ARHGEF28: variants seen among roughly 807,000 people sequenced by gnomAD.
ARHGEF28 encodes 190 kDa guanine nucleotide exchange factor.
In ARHGEF28, 152 loss-of-function variants were observed where a neutral mutation model predicts 206.6. The observed-to-expected ratio is 0.74, with a 90% CI of 0.64 to 0.84. The LOEUF (loss-of-function observed/expected upper bound fraction) is 0.84, where lower values mean the gene tolerates loss of function less well. Ranked by LOEUF, ARHGEF28 falls within the 40% of genes least tolerant of loss-of-function variation. ARHGEF28 has a pLI of 0.00. For missense variants in ARHGEF28, 2,028 were observed against 2,073.2 expected, an observed-to-expected ratio of 0.98 and a Z score of 0.42; for synonymous variants, 763 against 776.4, an observed-to-expected ratio of 0.98 and a Z score of 0.29.
intron 10 of ARHGEF28, among the ~76,000 whole-genome samples, chr5:73,836,850 A>G (rs1260607865): frequency 6.6e-6 from 1 of 152,148 alleles, no homozygotes; most frequent in Non-Finnish European, 1.5e-5. Context: ...GTGGTAAGAT[A>G]GGGATCCAGT....
At chr5:73,827,856 C>T (rs1465574677) in intron 9 of ARHGEF28, among the ~76,000 whole-genome samples, 1 of 152,140 alleles carries the variant, frequency 6.6e-6, no homozygotes, top group East Asian at 1.9e-4. Context: ...GTTCTTATTG[C>T]AAATTATTTC....
rs1016402238 is a variant in ARHGEF28, at chr5:73,782,205, G to A, written c.910+1460G>A. On this transcript the variant is annotated intron_variant, in intron 7 of 35. Coordinates refer to ENST00000513042, the MANE Select transcript of ARHGEF28 (RefSeq NM_001177693.2). ...TGTAATCCCAGCACTTTGGGAGGCC[G>A]AGGTGGGTGGATCACCTGAGGTCGG... Among the ~76,000 whole-genome samples, 7 of 151,752 alleles carry A rather than the reference G, an allele frequency of 4.6e-5. No individual in the cohort carries two copies. In the East Asian group the frequency reaches 5.8e-4, roughly 13 times the overall value.
chr5:73,933,380 G>T (rs1580124436), intron 35 of ARHGEF28, among the ~76,000 whole-genome samples: 3 of 152,230 alleles, frequency 2.0e-5, no homozygotes, highest in Admixed American at 2.0e-4. Flanking sequence ...TATAGCGTAG[G>T]TTCACACAAT....
At chr5:73,670,827 C>G (rs933003232) in intron 1 of ARHGEF28, among the ~76,000 whole-genome samples, 3 of 152,108 alleles carry the variant, frequency 2.0e-5, no homozygotes, top group African/African-American at 7.2e-5. Context: ...TTTCTAATTG[C>G]ATTGCTTGAG....
At chr5:73,662,101 A>T (rs1394032875) in intron 1 of ARHGEF28, among the ~76,000 whole-genome samples, 3 of 152,184 alleles carry the variant, frequency 2.0e-5, no homozygotes, top group Non-Finnish European at 4.4e-5. Flanking sequence ...TGCTAATGTT[A>T]GTTTCTTGGA....
rs1182569252 is a variant in ARHGEF28 at position 73,671,694 on chromosome 5, TTATATATATATATATATATATA to T, written c.-11-13123_-11-13102del. 7.6e-3 allele frequency among the ~76,000 whole-genome samples: 578 copies of T among 76,060 alleles called. 13 individuals are homozygous for T. The highest frequency in any genetic ancestry group is 0.046 in the East Asian group (78 of 1,712). 49.9% of individuals were successfully genotyped at this position (76,060 alleles called of 152,430 possible). ...TCAGCTGGGTTTTCATTGAACTTGA[TTATATATATATATATATATATA>T]TATATATATATATATATATATATTT... On this transcript the variant is annotated intron_variant, in intron 1 of 35. Coordinates refer to ENST00000513042, the MANE Select transcript of ARHGEF28 (RefSeq NM_001177693.2).
chr5:73,815,105 C>T (rs1462615381), intron 9 of ARHGEF28, among the ~76,000 whole-genome samples: 1 of 151,826 alleles, frequency 6.6e-6, no homozygotes, highest in South Asian at 2.1e-4. Flanking sequence ...AAAATTTCAA[C>T]ACGAAAGCCT....
chr5:73,880,742 G>A (rs114094410), intron 22 of ARHGEF28, among the ~76,000 whole-genome samples: 269 of 152,322 alleles, frequency 1.8e-3, no homozygotes, highest in African/African-American at 6.2e-3. Flanking sequence ...AGACCAGCCT[G>A]AGCATCATGA....
intron 1 of ARHGEF28, among the ~76,000 whole-genome samples, chr5:73,662,714 G>C (rs1210417916): frequency 6.6e-6 from 1 of 152,070 alleles, no homozygotes; most frequent in Non-Finnish European, 1.5e-5. Context: ...AAAGTATTCA[G>C]GATTTTATCT....
intron 35 of ARHGEF28, among the ~76,000 whole-genome samples, chr5:73,935,568 G>A (rs1209393958): frequency 6.6e-6 from 1 of 152,148 alleles, no homozygotes; most frequent in African/African-American, 2.4e-5. Flanking sequence ...ATGCTCCTGA[G>A]AAACCATAGG....
At chr5:73,830,589 T>C (rs1415336178) in intron 9 of ARHGEF28, among the ~76,000 whole-genome samples, 2 of 151,852 alleles carry the variant, frequency 1.3e-5, no homozygotes, top group Non-Finnish European at 2.9e-5. Context: ...AAAATGTTTT[T>C]CTTTAACATC....
intron 7 of ARHGEF28, among the ~76,000 whole-genome samples, chr5:73,783,050 C>G (rs1373630689): frequency 6.6e-6 from 1 of 152,084 alleles, no homozygotes; most frequent in Non-Finnish European, 1.5e-5. Context: ...ACACTGAGGT[C>G]TAAAGGAGTA....
chr5:73,835,078 T>G (rs1404381382), intron 10 of ARHGEF28: 1 of 152,174 alleles, frequency 6.6e-6, no homozygotes, highest in Non-Finnish European at 1.5e-5. Context: ...CAGCTCCACC[T>G]ACCAGCATCC....
In ARHGEF28 at chr5:73,904,172, T is replaced by C. The variant is rs76818630; in HGVS notation, c.4075-50T>C. 1.1e-5 allele frequency: 18 copies of C among 1,598,052 alleles called. No individual in the cohort carries two copies. In the East Asian group the frequency reaches 1.6e-4, roughly 14 times the overall value. On this transcript the variant is annotated intron_variant, in intron 31 of 35. Transcript: ENST00000513042. The stretch of plus-strand genomic sequence containing the variant: ...ACATTTTGGGACACTGCAGGGCAGC[T>C]TTTCAGAAGTAGAATGGTTATTCAT...
chr5:73,821,715 T>G (rs1336722655), intron 9 of ARHGEF28, among the ~76,000 whole-genome samples: 1 of 152,160 alleles, frequency 6.6e-6, no homozygotes, highest in Non-Finnish European at 1.5e-5. Context: ...TTCCTTGATG[T>G]GGACTAATTT....
intron 35 of ARHGEF28, among the ~76,000 whole-genome samples, chr5:73,932,800 C>CTTTTTTTTTTTTTTTTTTT (rs386404110): frequency 1.4e-5 from 1 of 73,422 alleles, no homozygotes; most frequent in Non-Finnish European, 2.5e-5. Flanking sequence ...TTTCCTATTT[C>CTTTTTTTTTTTTTTTTTTT]TTTTTTTTTT....
rs186578967 is a variant in ARHGEF28, at chr5:73,667,365, G to A, written c.-11-17476G>A. 7.2e-5 allele frequency among the ~76,000 whole-genome samples: 11 copies of A among 151,736 alleles called. No individual in the cohort carries two copies. The East Asian group carries it at 2.1e-3, about 29-fold the overall frequency. On this transcript the variant is annotated intron_variant, in intron 1 of 35. Coordinates refer to ENST00000513042, the MANE Select transcript of ARHGEF28 (RefSeq NM_001177693.2). ...TTGAGCCATACCTGGTATAACTAAG[G>A]AGTGCTGCCATAGAATATGGAGAGC...
Position 73,684,841 on chromosome 5 carries a change from A to T in ARHGEF28, c.-11A>T, listed in dbSNP as rs1229629752. ...CTCTTGTTTATTATTTTCATTGCAG[A>T]TGCGAAAGCCATGGAGTTGAGCTGC... On this transcript the variant is annotated splice_region_variant and 5_prime_UTR_variant, in exon 2 of 36. An upstream start codon of the reference 5' UTR is lost. Coordinates refer to ENST00000513042, the MANE Select transcript of ARHGEF28 (RefSeq NM_001177693.2). 3 of 1,608,096 alleles carry T rather than the reference A, an allele frequency of 1.9e-6. No individual in the cohort carries two copies. The highest frequency in any genetic ancestry group is 1.7e-5 in the Admixed American group (1 of 59,280).
intron 14 of ARHGEF28, 150 bp downstream of exon 14, chr5:73,852,842 A>G: frequency 1.3e-6 from 1 of 788,992 alleles, no homozygotes; most frequent in South Asian, 1.6e-5. Context: ...TGGGATCTGT[A>G]TCAGGATAGA....
Sources: allele counts gnomAD v4.1 joint callset (sites outside exome capture counted in the v4.1 genomes callset), GRCh38; gene constraint gnomAD v4.1.1; transcripts MANE v1.5; gene names NCBI Gene and HGNC (gene_info 2026-07-23, HGNC 2026-07-21).